Variants in FAM168A observed in about 807,000 individuals in gnomAD.
FAM168A encodes family with sequence similarity 168 member A, also known as protein FAM168A.
A neutral mutation model predicts 28.5 loss-of-function variants in FAM168A; 3 were observed. That is an observed-to-expected ratio of 0.11 (90% CI 0.05 to 0.27). The LOEUF is 0.27. FAM168A is among the 10% of genes least tolerant of loss of function. The pLI is 1.00. For synonymous variants in FAM168A, 122 were observed against 124.2 expected (o/e 0.98, Z 0.12); for missense variants, 222 against 311.5 (o/e 0.71, Z 2.16).
intron 2 of FAM168A, among the ~76,000 whole-genome samples, chr11:73,436,481 T>C (rs1347006753): frequency 1.4e-5 from 2 of 146,378 alleles, no homozygotes; most frequent in Non-Finnish European, 3.0e-5. Context: ...AAAACTGCCC[T>C]GCAAATGACC....
At chr11:73,530,054 C>T (rs9888198) in intron 1 of FAM168A, among the ~76,000 whole-genome samples, 2,743 of 151,952 alleles carry the variant, frequency 0.018, 67 homozygotes, top group African/African-American at 0.056. Context: ...CCCAAAGTGC[C>T]AGGATTACAG....
At chr11:73,504,946 C>A (rs111478839) in intron 1 of FAM168A, among the ~76,000 whole-genome samples, 1 of 151,946 alleles carries the variant, frequency 6.6e-6, no homozygotes, top group Non-Finnish European at 1.5e-5. Flanking sequence ...TAAGTGGGAG[C>A]GGAACACTGA....
intron 1 of FAM168A, among the ~76,000 whole-genome samples, chr11:73,526,409 G>A (rs952694331): frequency 7.2e-5 from 11 of 152,028 alleles, no homozygotes; most frequent in African/African-American, 2.2e-4. Context: ...AAAATAAAAG[G>A]GCTTTCTTGT....
intron 2 of FAM168A, among the ~76,000 whole-genome samples, chr11:73,439,147 T>C (rs933838360): frequency 1.3e-5 from 2 of 152,146 alleles, no homozygotes; most frequent in Non-Finnish European, 2.9e-5. Context: ...TCTGAACCTG[T>C]CCACCAGACC....
chr11:73,580,575 T>A (rs1273136992), intron 1 of FAM168A: 5 of 521,028 alleles, frequency 9.6e-6, no homozygotes, highest in Non-Finnish European at 1.4e-5. Context: ...CAGTTTGAAA[T>A]ACTATTTTTA....
chr11:73,514,815 AGAGT>A (rs1003526214), intron 1 of FAM168A, among the ~76,000 whole-genome samples: 4 of 150,370 alleles, frequency 2.7e-5, no homozygotes, highest in African/African-American at 9.9e-5. Flanking sequence ...CCTGTGTGAC[AGAGT>A]GAGACTCTGC....
At chr11:73,490,352 G>A (rs898558038) in intron 1 of FAM168A, among the ~76,000 whole-genome samples, 1 of 152,118 alleles carries the variant, frequency 6.6e-6, no homozygotes, top group African/African-American at 2.4e-5. Flanking sequence ...AGCCAGAGTG[G>A]CTCTCTGAAA....
In FAM168A at chr11:73,420,270, T is replaced by A. The variant is rs1360707215; in HGVS notation, c.152-271A>T. Among the ~76,000 whole-genome samples, 4 of 152,314 alleles carry A rather than the reference T, an allele frequency of 2.6e-5. No homozygotes were observed. In the South Asian group the frequency reaches 6.2e-4, roughly 24 times the overall value. ...ACTACTAAAACCACAAAGATGCCCA[T>A]GAATAACCATCTCCTACTACCTGAC... On this transcript the variant is annotated intron_variant, in intron 3 of 7. Coordinates refer to ENST00000356467, the MANE Select transcript of FAM168A (RefSeq NM_015159.3).
At chr11:73,440,701 T>C (rs983226656) in intron 2 of FAM168A, among the ~76,000 whole-genome samples, 1 of 152,022 alleles carries the variant, frequency 6.6e-6, no homozygotes, top group Non-Finnish European at 1.5e-5. Flanking sequence ...CAGTATGACC[T>C]TGGGATTACA....
chr11:73,501,799 CT>C (rs1855014096), intron 1 of FAM168A, among the ~76,000 whole-genome samples: 1 of 152,100 alleles, frequency 6.6e-6, no homozygotes, highest in African/African-American at 2.4e-5. Context: ...CAACAGCAAA[CT>C]AATCCAAAAG....
intron 2 of FAM168A, among the ~76,000 whole-genome samples, chr11:73,440,271 T>A (rs1320727309): frequency 6.6e-6 from 1 of 152,148 alleles, no homozygotes; most frequent in African/African-American, 2.4e-5. Flanking sequence ...TTAGAACACT[T>A]GTTTTCCATG....
intron 4 of FAM168A, among the ~76,000 whole-genome samples, chr11:73,414,462 A>T (rs1565234645): frequency 6.6e-6 from 1 of 152,210 alleles, no homozygotes; most frequent in South Asian, 2.1e-4. Flanking sequence ...ACACCCCTGA[A>T]TCAGAAGGTG....
In FAM168A at chr11:73,419,802, C is replaced by T. The variant is rs1866760014; in HGVS notation, c.277+72G>A. 16 of 1,566,316 alleles carry T rather than the reference C, an allele frequency of 1.0e-5. 1 individual carries two copies. In the South Asian group the frequency reaches 1.7e-4, roughly 17 times the overall value. ...CATAAATGTCATTTTAAAAAGCTCC[C>T]TTTCCTTTCTTCCTAAGAAACAAAT... On this transcript the variant is annotated intron_variant, in intron 4 of 7. Transcript: ENST00000356467.
chr11:73,409,311 G>A (rs548273238), intron 6 of FAM168A, among the ~76,000 whole-genome samples, 176 bp downstream of exon 6: 1 of 152,214 alleles, frequency 6.6e-6, no homozygotes, highest in Admixed American at 6.5e-5. Context: ...CGTCCTTCTT[G>A]GTGAAATCTT....
chr11:73,439,379 G>A (rs573867855), intron 2 of FAM168A, among the ~76,000 whole-genome samples: 1 of 152,292 alleles, frequency 6.6e-6, no homozygotes, highest in African/African-American at 2.4e-5. Flanking sequence ...ACCTATCCAG[G>A]TTAAAGGCCA....
chr11:73,580,174 C>A, intron 1 of FAM168A: 1 of 407,520 alleles, frequency 2.5e-6, no homozygotes, highest in Non-Finnish European at 4.8e-6. Context: ...AGAACGACCC[C>A]CAGACCAACC....
At chr11:73,426,197 T>A (rs1017466682) in intron 3 of FAM168A, among the ~76,000 whole-genome samples, 2 of 152,252 alleles carry the variant, frequency 1.3e-5, no homozygotes, top group African/African-American at 4.8e-5. Context: ...TCATTTATTT[T>A]CAAGCCAGAT....
At chr11:73,572,094 G>A (rs1258387104) in intron 1 of FAM168A, among the ~76,000 whole-genome samples, 5 of 150,884 alleles carry the variant, frequency 3.3e-5, no homozygotes, top group East Asian at 2.0e-4. Flanking sequence ...CCCTCCGCCC[G>A]GCAGCCACCC....
intron 1 of FAM168A, among the ~76,000 whole-genome samples, chr11:73,542,347 T>A (rs528007365): frequency 6.6e-6 from 1 of 152,216 alleles, no homozygotes; most frequent in Non-Finnish European, 1.5e-5. Flanking sequence ...GTTTCCCAAC[T>A]CTATAAGTGG....
Sources: allele counts gnomAD v4.1 joint callset (sites outside exome capture counted in the v4.1 genomes callset), GRCh38; gene constraint gnomAD v4.1.1; transcripts MANE v1.5; gene names NCBI Gene and HGNC (gene_info 2026-07-23, HGNC 2026-07-21).